The following FOXO1 variants were observed in gnomAD, a reference collection of about 807,000 sequenced individuals.
The protein encoded by FOXO1 is forkhead box protein O1.
Under a neutral mutation model 44.1 loss-of-function variants are expected in FOXO1, and 6 were observed. The observed-to-expected ratio is 0.14, with a 90% CI of 0.07 to 0.27. The LOEUF is 0.27. Ranked by LOEUF, FOXO1 falls within the 10% of genes least tolerant of loss-of-function variation. The pLI, the probability that FOXO1 is intolerant of heterozygous loss-of-function variation, is 1.00. For missense variants in FOXO1, 737 were observed against 888.8 expected (o/e 0.83, Z 2.17); for synonymous variants, 380 against 362.7 (o/e 1.05, Z -0.54).
At chr13:40,571,876 T>G (rs1874527785) in intron 1 of FOXO1, among the ~76,000 whole-genome samples, 1 of 152,170 alleles carries the variant, frequency 6.6e-6, no homozygotes, top group Non-Finnish European at 1.5e-5. Flanking sequence ...ACAACAAAGT[T>G]AAAACCAAAA....
intron 1 of FOXO1, among the ~76,000 whole-genome samples, chr13:40,627,848 A>C (rs1194525409): frequency 6.6e-6 from 1 of 151,036 alleles, no homozygotes; most frequent in Admixed American, 6.6e-5. Flanking sequence ...AAAAAAAAAC[A>C]AACAAACAAC....
intron 1 of FOXO1, among the ~76,000 whole-genome samples, chr13:40,641,699 T>C (rs943769203): frequency 6.6e-6 from 1 of 152,104 alleles, no homozygotes; most frequent in African/African-American, 2.4e-5. Flanking sequence ...AAAAACCCAC[T>C]GACAGCTGGG....
chr13:40,581,381 G>A (rs1021086745), intron 1 of FOXO1, among the ~76,000 whole-genome samples: 7 of 152,120 alleles, frequency 4.6e-5, no homozygotes, highest in African/African-American at 1.2e-4. Context: ...CCAGCTGCTC[G>A]CTCCTTGATC....
At chr13:40,621,300 C>A in intron 1 of FOXO1, 1 of 727,284 alleles carries the variant, frequency 1.4e-6, no homozygotes, top group South Asian at 2.0e-5. Flanking sequence ...TTTCACTTGT[C>A]CGATCTGTCA....
intron 1 of FOXO1, among the ~76,000 whole-genome samples, chr13:40,609,779 T>C (rs1002766470): frequency 2.0e-5 from 3 of 152,156 alleles, no homozygotes; most frequent in Admixed American, 1.3e-4. Flanking sequence ...AAGGGATTCA[T>C]GACCTTGGAT....
chr13:40,598,584 A>T (rs947135774), intron 1 of FOXO1, among the ~76,000 whole-genome samples: 1 of 152,192 alleles, frequency 6.6e-6, no homozygotes, highest in Non-Finnish European at 1.5e-5. Flanking sequence ...ATATTTACAT[A>T]TATGTGGTTC....
At chr13:40,654,791 G>A (rs1471348248) in intron 1 of FOXO1, among the ~76,000 whole-genome samples, 1 of 152,074 alleles carries the variant, frequency 6.6e-6, no homozygotes, top group African/African-American at 2.4e-5. Context: ...TGGCCTCTGA[G>A]AAGGCAGAGG....
At chr13:40,613,740 GC>G (rs1211985063) in intron 1 of FOXO1, among the ~76,000 whole-genome samples, 1 of 152,170 alleles carries the variant, frequency 6.6e-6, no homozygotes, top group Non-Finnish European at 1.5e-5. Context: ...ACAAACACAA[GC>G]GTGAGCCACA....
intron 1 of FOXO1, among the ~76,000 whole-genome samples, chr13:40,572,279 GATAC>G (rs1874556319): frequency 6.6e-6 from 1 of 152,100 alleles, no homozygotes; most frequent in Non-Finnish European, 1.5e-5. Flanking sequence ...TTATCTATTG[GATAC>G]ATAGTCTGTT....
At chr13:40,639,507 A>C (rs553718782) in intron 1 of FOXO1, among the ~76,000 whole-genome samples, 26 of 152,394 alleles carry the variant, frequency 1.7e-4, no homozygotes, top group Admixed American at 7.2e-4. Flanking sequence ...CTAAGCAACA[A>C]AGGCATTTTC....
intron 1 of FOXO1, among the ~76,000 whole-genome samples, chr13:40,654,975 C>G (rs1179756243): frequency 6.6e-6 from 1 of 152,144 alleles, no homozygotes; most frequent in Admixed American, 6.5e-5. Flanking sequence ...TATATAATAT[C>G]TTTACTTACA....
chr13:40,622,471 T>A (rs1876648894), intron 1 of FOXO1, among the ~76,000 whole-genome samples: 1 of 152,212 alleles, frequency 6.6e-6, no homozygotes, highest in Non-Finnish European at 1.5e-5. Flanking sequence ...CACCACTACC[T>A]TCAGGTGAAC....
At chr13:40,645,607 C>T (rs904503212) in intron 1 of FOXO1, among the ~76,000 whole-genome samples, 1 of 152,036 alleles carries the variant, frequency 6.6e-6, no homozygotes, top group Non-Finnish European at 1.5e-5. Context: ...CCAGCAATGA[C>T]CTTTAAAGAA....
At chr13:40,634,257 T>C (rs1877068026) in intron 1 of FOXO1, among the ~76,000 whole-genome samples, 1 of 152,222 alleles carries the variant, frequency 6.6e-6, no homozygotes, top group Non-Finnish European at 1.5e-5. Flanking sequence ...TTGCTTTGTG[T>C]TGGACTAATC....
chr13:40,646,462 T>C (rs1877514585), intron 1 of FOXO1, among the ~76,000 whole-genome samples: 3 of 152,134 alleles, frequency 2.0e-5, no homozygotes, highest in Admixed American at 6.5e-5. Flanking sequence ...ATTACAAGTG[T>C]TGGTGCCGTG....
At chr13:40,637,342 G>A (rs1250026422) in intron 1 of FOXO1, among the ~76,000 whole-genome samples, 1 of 151,408 alleles carries the variant, frequency 6.6e-6, no homozygotes, top group Non-Finnish European at 1.5e-5. Context: ...TACTCAGGAG[G>A]CTGAGGCAGG....
intron 1 of FOXO1, among the ~76,000 whole-genome samples, chr13:40,610,758 C>T (rs1352780986): frequency 6.6e-6 from 1 of 152,132 alleles, no homozygotes; most frequent in Non-Finnish European, 1.5e-5. Flanking sequence ...AACAATAGCT[C>T]ACAAATATCT....
rs114502779 is a variant in FOXO1 at position 40,621,413 on chromosome 13, C to T, written c.630+44170G>A. 5.5e-3 allele frequency: 1,518 copies of T among 274,642 alleles called. 31 individuals are homozygous for T. Among genetic ancestry groups the T allele is most frequent in the African/African-American group, 0.032 (1,414 of 43,920 alleles). 17.0% of individuals were successfully genotyped at this position (274,642 alleles called of 1,614,324 possible). A position where few individuals can be genotyped will look rare whatever the true frequency, so the allele number is the denominator to read the frequency against. On this transcript the variant is annotated intron_variant, in intron 1 of 2. Transcript: ENST00000379561. ...AACTGAATGTTCAAGCATTGTTTTG[C>T]TGAGTTACTTGTGATGAGCTAACTA...
chr13:40,653,720 G>A (rs550644985), intron 1 of FOXO1, among the ~76,000 whole-genome samples: 1 of 152,072 alleles, frequency 6.6e-6, no homozygotes, highest in Non-Finnish European at 1.5e-5. Context: ...CTGATGCCAG[G>A]TTCACTTGGC....
Sources: gnomAD v4.1 joint callset for allele counts (sites outside exome capture counted in the v4.1 genomes callset) on GRCh38, gnomAD v4.1.1 for gene constraint, MANE v1.5 for transcripts, NCBI Gene and HGNC (gene_info 2026-07-23, HGNC 2026-07-21) for gene names.